The following LRRC4C variants were observed in gnomAD, a reference collection of about 807,000 sequenced individuals.
LRRC4C encodes leucine-rich repeat-containing protein 4C.
A neutral mutation model predicts 33.6 loss-of-function variants in LRRC4C; 5 were observed. That is an observed-to-expected ratio of 0.15 (90% CI 0.08 to 0.31). The LOEUF is 0.31. Ranked by LOEUF, LRRC4C falls within the 10% of genes least tolerant of loss-of-function variation. The probability of loss-of-function intolerance (pLI) is 1.00; values close to 1 mark genes in which losing one functional copy is unlikely to be tolerated. For synonymous variants in LRRC4C, 329 were observed against 302.0 expected, an observed-to-expected ratio of 1.09 and a Z score of -0.93; for missense variants, 560 against 796.7, an observed-to-expected ratio of 0.70 and a Z score of 3.58.
chr11:40,545,662 G>GA (rs1345805378), intron 3 of LRRC4C, among the ~76,000 whole-genome samples: 3 of 151,928 alleles, frequency 2.0e-5, no homozygotes, highest in Non-Finnish European at 4.4e-5. Flanking sequence ...AGGATATACA[G>GA]AAAAAACAAC....
intron 1 of LRRC4C, among the ~76,000 whole-genome samples, chr11:41,061,620 A>G (rs569392626): frequency 5.7e-4 from 87 of 152,190 alleles, no homozygotes; most frequent in Non-Finnish European, 1.1e-3. Flanking sequence ...TAAATCAAGT[A>G]TCTAGTTCCC....
chr11:40,452,547 A>G (rs528814838), intron 3 of LRRC4C, among the ~76,000 whole-genome samples: 13 of 152,292 alleles, frequency 8.5e-5, no homozygotes, highest in Admixed American at 7.2e-4. Flanking sequence ...GCTGGAGAGG[A>G]TGTGGAGAAA....
chr11:40,365,195 G>A (rs557995101), intron 3 of LRRC4C, among the ~76,000 whole-genome samples: 2 of 151,778 alleles, frequency 1.3e-5, no homozygotes, highest in Admixed American at 6.6e-5. Flanking sequence ...GATTTAATTG[G>A]CTCTTTTAAA....
chr11:40,394,888 T>C (rs1450558071), intron 3 of LRRC4C, among the ~76,000 whole-genome samples: 1 of 152,190 alleles, frequency 6.6e-6, no homozygotes, highest in African/African-American at 2.4e-5. Context: ...TATCTATTTC[T>C]CTTTGTAATA....
chr11:40,985,059 C>T (rs1852900172), intron 1 of LRRC4C, among the ~76,000 whole-genome samples: 1 of 151,738 alleles, frequency 6.6e-6, no homozygotes, highest in Non-Finnish European at 1.5e-5. Context: ...ACTCCAGCTG[C>T]ACCTGCTTTT....
At chr11:40,821,116 T>C (rs1951910645) in intron 2 of LRRC4C, among the ~76,000 whole-genome samples, 1 of 151,722 alleles carries the variant, frequency 6.6e-6, no homozygotes, top group Non-Finnish European at 1.5e-5. Flanking sequence ...ACTTATACAC[T>C]GAAACCTCTA....
At chr11:40,601,123 A>T (rs557309012) in intron 3 of LRRC4C, among the ~76,000 whole-genome samples, 2 of 152,312 alleles carry the variant, frequency 1.3e-5, no homozygotes, top group East Asian at 3.9e-4. Flanking sequence ...ATTCTTCACC[A>T]TCTAGACTTT....
intron 1 of LRRC4C, among the ~76,000 whole-genome samples, chr11:41,012,538 A>G (rs1855282419): frequency 6.6e-6 from 1 of 152,142 alleles, no homozygotes; most frequent in South Asian, 2.1e-4. Flanking sequence ...TAGTGCTGCA[A>G]TAAAGGTTGG....
intron 6 of LRRC4C, among the ~76,000 whole-genome samples, chr11:40,136,006 T>C (rs978348341): frequency 6.6e-6 from 1 of 152,242 alleles, no homozygotes; most frequent in Non-Finnish European, 1.5e-5. Context: ...GCTGGAGATG[T>C]AAGCAAAACT....
intron 1 of LRRC4C, among the ~76,000 whole-genome samples, chr11:41,250,875 A>G (rs185889780): frequency 2.0e-3 from 307 of 152,334 alleles, no homozygotes; most frequent in African/African-American, 7.0e-3. Context: ...TTTGTTAAAC[A>G]AAATCTGATT....
chr11:41,207,252 C>T (rs1230475232), intron 1 of LRRC4C, among the ~76,000 whole-genome samples: 1 of 152,134 alleles, frequency 6.6e-6, no homozygotes, highest in Non-Finnish European at 1.5e-5. Context: ...CTGGAAGACT[C>T]TGATTTCCAT....
chr11:40,762,135 C>A (rs897594544), intron 2 of LRRC4C, among the ~76,000 whole-genome samples: 1 of 152,114 alleles, frequency 6.6e-6, no homozygotes, highest in Non-Finnish European at 1.5e-5. Flanking sequence ...GCAGCAGGAG[C>A]AAGCCATGGA....
At chr11:40,299,736 AATG>A (rs1342668925) in intron 4 of LRRC4C, among the ~76,000 whole-genome samples, 1 of 152,186 alleles carries the variant, frequency 6.6e-6, no homozygotes, top group African/African-American at 2.4e-5. Flanking sequence ...TGACTAGATG[AATG>A]AACTGTCCAC....
intron 3 of LRRC4C, among the ~76,000 whole-genome samples, chr11:40,584,176 T>TTATATATATATATATATATATATATA (rs1219143620): frequency 2.6e-5 from 1 of 38,436 alleles, no homozygotes; most frequent in Non-Finnish European, 5.7e-5. Context: ...CACGCACACT[T>TTATATATATATATATATATATATATA]CATATATATA....
intron 1 of LRRC4C, among the ~76,000 whole-genome samples, chr11:41,348,285 C>T (rs937279324): frequency 7.2e-5 from 11 of 152,038 alleles, no homozygotes; most frequent in African/African-American, 2.7e-4. Context: ...TTCCATAAAA[C>T]ATAGCCAAAA....
intron 3 of LRRC4C, among the ~76,000 whole-genome samples, chr11:40,346,703 A>C (rs1823743): frequency 0.45 from 68,905 of 152,054 alleles, 16,704 homozygotes; most frequent in East Asian, 0.8. Context: ...AACTTAAAAT[A>C]AACGTTTTTT....
intron 1 of LRRC4C, among the ~76,000 whole-genome samples, chr11:40,972,060 A>G (rs945522548): frequency 1.3e-5 from 2 of 152,038 alleles, no homozygotes; most frequent in African/African-American, 4.8e-5. Context: ...CTTTTCTTAA[A>G]TGAGACTTTG....
chr11:40,750,073 T>G (rs1383105337), intron 2 of LRRC4C, among the ~76,000 whole-genome samples: 2 of 151,936 alleles, frequency 1.3e-5, no homozygotes, highest in Non-Finnish European at 2.9e-5. Flanking sequence ...ATACAAAAAC[T>G]ACCTAGGCAG....
At chr11:41,373,646 GC>G (rs747279694) in intron 1 of LRRC4C, among the ~76,000 whole-genome samples, 4 of 152,038 alleles carry the variant, frequency 2.6e-5, no homozygotes, top group Non-Finnish European at 4.4e-5. Flanking sequence ...CATGCAAATG[GC>G]CATGATCTTT....
Sources: allele counts gnomAD v4.1 joint callset (sites outside exome capture counted in the v4.1 genomes callset), GRCh38; gene constraint gnomAD v4.1.1; transcripts MANE v1.5; gene names NCBI Gene and HGNC (gene_info 2026-07-23, HGNC 2026-07-21).